The following UBE2U variants were observed in gnomAD, a reference collection of about 807,000 sequenced individuals.
UBE2U encodes ubiquitin conjugating enzyme E2 U, also known as ubiquitin-conjugating enzyme E2 U.
A neutral mutation model predicts 41.2 loss-of-function variants in UBE2U; 39 were observed. That is an observed-to-expected ratio of 0.95 (90% confidence interval 0.73 to 1.24). The LOEUF is 1.24. Among genes scored for constraint, UBE2U ranks in the 50% most tolerant of loss-of-function variants. UBE2U has a pLI of 0.00. For synonymous variants in UBE2U, 107 were observed against 117.8 expected, an observed-to-expected ratio of 0.91 and a Z score of 0.60; for missense variants, 336 against 363.1, an observed-to-expected ratio of 0.93 and a Z score of 0.61.
chr1:64,206,681 A>C, intron 2 of UBE2U, 83 bp from the exon 3 acceptor site: 1 of 808,850 alleles, frequency 1.2e-6, no homozygotes, highest in Non-Finnish European at 2.0e-6. Context: ...ACTAAACCAT[A>C]GGGAGAAACT....
rs1420695659 is a variant in UBE2U, at chr1:64,260,688, A to C, written c.763A>C (p.Thr255Pro). 1.3e-6 allele frequency: 2 copies of C among 1,548,036 alleles called. No homozygotes were observed. Among genetic ancestry groups the C allele is most frequent in the Admixed American group, 3.9e-5 (2 of 50,736 alleles). ...HSMEEIKLCP[T>P]LNEIFLESPT... ...AATGGAAGAAATTAAGCTCTGCCCA[A>C]CTCTAAGTAAATCGATTCACTCTAT... Residue 255 changes from threonine to proline, a missense_variant, in exon 9 of 10, where the codon ACT becomes CCT. Thr to Pro is a conservative substitution (Grantham distance 38). Transcript: ENST00000371077.
chr1:64,206,964 A>G (rs558965263), intron 3 of UBE2U, 108 bp downstream of exon 3: 1 of 724,260 alleles, frequency 1.4e-6, no homozygotes, highest in East Asian at 2.9e-5. Flanking sequence ...TCTAAAAGTA[A>G]GAACTCTCAT....
chr1:64,208,372 C>T (rs1049768064), intron 3 of UBE2U, among the ~76,000 whole-genome samples: 4 of 151,834 alleles, frequency 2.6e-5, no homozygotes, highest in Admixed American at 1.3e-4. Context: ...TTTGGGTGGT[C>T]AGTGGGGAGT....
At chr1:64,226,986 ATTTG>A (rs1385485069) in intron 6 of UBE2U, among the ~76,000 whole-genome samples, 1 of 152,236 alleles carries the variant, frequency 6.6e-6, no homozygotes, top group Non-Finnish European at 1.5e-5. Context: ...TCAAACATCA[ATTTG>A]TTTAACACAT....
At position 64,259,699 on chromosome 1, in the gene UBE2U, C is replaced by A. The variant is rs529939970; in HGVS notation, c.678-904C>A. Reference sequence around the variant, plus strand: ...TGTACCCCAAAAAGTAGTCGTCCCCCAAAAAAATTTTGTAAAATTTTTGAT... The same window carrying A: ...TGTACCCCAAAAAGTAGTCGTCCCCAAAAAAAATTTTGTAAAATTTTTGAT... On this transcript the variant is annotated intron_variant, in intron 8 of 9. Transcript: ENST00000371077. 4.6e-5 allele frequency among the ~76,000 whole-genome samples: 7 copies of A among 152,024 alleles called. No individual in the cohort carries two copies. The East Asian group carries it at 1.4e-3, about 29-fold the overall frequency.
intron 8 of UBE2U, among the ~76,000 whole-genome samples, chr1:64,256,373 G>A (rs889299371): frequency 2.0e-5 from 3 of 152,030 alleles, no homozygotes; most frequent in African/African-American, 7.2e-5. Context: ...AAACTACACT[G>A]CAAGGTTACT....
chr1:64,214,978 A>G, intron 5 of UBE2U, 46 bp downstream of exon 5: 3 of 1,488,672 alleles, frequency 2.0e-6, no homozygotes, highest in Non-Finnish European at 2.8e-6. Context: ...CACGCCTGTA[A>G]TCCCAACACT....
chr1:64,207,301 C>CCACCA (rs761345368), intron 3 of UBE2U, among the ~76,000 whole-genome samples: 3 of 152,188 alleles, frequency 2.0e-5, no homozygotes, highest in Non-Finnish European at 4.4e-5. Context: ...CAGGCATGCG[C>CCACCA]CACCACACCT....
At chr1:64,260,750 A>T in intron 9 of UBE2U, 56 bp downstream of exon 9, 1 of 1,378,532 alleles carries the variant, frequency 7.3e-7, no homozygotes. Context: ...TATGCATAAT[A>T]TGCATAACTT....
intron 8 of UBE2U, among the ~76,000 whole-genome samples, chr1:64,244,995 A>G (rs1644896526): frequency 6.6e-6 from 1 of 152,296 alleles, no homozygotes; most frequent in South Asian, 2.1e-4. Flanking sequence ...AAGATTTAGG[A>G]TTCTATTTTG....
Position 64,210,782 on chromosome 1 carries a change from C to G in UBE2U, c.282C>G (p.Asp94Glu), listed in dbSNP as rs1651615833. The stretch of plus-strand genomic sequence containing the variant: ...GTCAGCCCTGTATAGACTTTTTGGA[C>G]AACCCTGAGAAGTGGAATACAAACT... ...HTGQPCIDFL[D>E]NPEKWNTNYT... The change falls in exon 4 of 10, where the codon GAC becomes GAG. Residue 94 changes from aspartate (D) to glutamate (E), a missense_variant. Physicochemically the swap from Asp to Glu is conservative, Grantham distance 45. Transcript: ENST00000371077. The G allele has an allele frequency of 6.2e-7, 1 of 1,605,972 alleles. No homozygotes were observed. The highest frequency in any genetic ancestry group is 8.5e-7 in the Non-Finnish European group (1 of 1,175,168).
chr1:64,226,596 C>A (rs1652881619), intron 6 of UBE2U, among the ~76,000 whole-genome samples: 1 of 151,982 alleles, frequency 6.6e-6, no homozygotes, highest in South Asian at 2.1e-4. Flanking sequence ...AGCTATTTGG[C>A]CAAGGTGGAA....
Position 64,222,868 on chromosome 1 carries a change from A to C in UBE2U, c.506+1961A>C, listed in dbSNP as rs193015329. On this transcript the variant is annotated intron_variant, in intron 6 of 9. Coordinates refer to ENST00000371077, the MANE Select transcript of UBE2U (RefSeq NM_001366232.2). ...ATGTATTCCAAAGATATATCCAGGC[A>C]GTTGGACCCCCGGTTTCTAAAAGAC... 5.3e-5 allele frequency among the ~76,000 whole-genome samples: 8 copies of C among 152,334 alleles called. No individual in the cohort carries two copies. In the East Asian group the frequency reaches 1.3e-3, roughly 26 times the overall value.
chr1:64,237,341 C>G (rs1366161575), intron 7 of UBE2U, among the ~76,000 whole-genome samples: 1 of 150,916 alleles, frequency 6.6e-6, no homozygotes, highest in African/African-American at 2.4e-5. Context: ...GAAGCAATGC[C>G]CTGGAAGCTG....
At chr1:64,251,247 A>G (rs1271745015) in intron 8 of UBE2U, among the ~76,000 whole-genome samples, 1 of 151,476 alleles carries the variant, frequency 6.6e-6, no homozygotes, top group Non-Finnish European at 1.5e-5. Context: ...AATCAAGGTT[A>G]CATTCCTGAT....
At chr1:64,222,463 C>T (rs1351626639) in intron 6 of UBE2U, among the ~76,000 whole-genome samples, 1 of 152,154 alleles carries the variant, frequency 6.6e-6, no homozygotes. Flanking sequence ...TCCTCTGAGC[C>T]AAACCAAGGA....
rs535097760 is a variant in UBE2U, at chr1:64,239,375, T to A, written c.596-2277T>A. On this transcript the variant is annotated intron_variant, in intron 7 of 9. Transcript: ENST00000371077. ...GCCTTAAACATAGTAGGGTTTTTTT[T>A]AATTATTATTATACTTTAAGTTCTA... 6.6e-4 allele frequency among the ~76,000 whole-genome samples: 101 copies of A among 152,290 alleles called. 6 individuals carry two copies. Among genetic ancestry groups the A allele is most frequent in the South Asian group, 3.5e-3 (17 of 4,824 alleles).
chr1:64,215,771 G>A (rs1367957247), intron 5 of UBE2U, among the ~76,000 whole-genome samples: 1 of 152,160 alleles, frequency 6.6e-6, no homozygotes, highest in Non-Finnish European at 1.5e-5. Flanking sequence ...TATCCTGCCA[G>A]CAGCCTCGTT....
At position 64,239,157 on chromosome 1, in the gene UBE2U, A is replaced by AAGGAGAAGAAGAAGAAGAAG; in HGVS notation, c.596-2494_596-2493insGGAGAAGAAGAAGAAGAAGA. 8.1e-5 allele frequency among the ~76,000 whole-genome samples: 3 copies of AAGGAGAAGAAGAAGAAGAAG among 37,064 alleles called. 1 individual carries two copies. Among genetic ancestry groups the AAGGAGAAGAAGAAGAAGAAG allele is most frequent in the African/African-American group, 2.5e-4 (3 of 11,812 alleles). The allele number at this position is 37,064 out of a possible 152,430, so 24.3% of individuals were successfully genotyped here. ...GAAGAAGAAGAAGAAGAAGAAGAAG[A>AAGGAGAAGAAGAAGAAGAAG]AAGAAGAAGAAGAAGAAGAAGAAGA... On this transcript the variant is annotated intron_variant, in intron 7 of 9. Transcript: ENST00000371077.
Sources: allele counts gnomAD v4.1 joint callset (sites outside exome capture counted in the v4.1 genomes callset), GRCh38; gene constraint gnomAD v4.1.1; transcripts MANE v1.5; gene names NCBI Gene and HGNC (gene_info 2026-07-23, HGNC 2026-07-21).